The following OSBPL6 variants were observed in gnomAD, a reference collection of about 807,000 sequenced individuals.
OSBPL6 encodes the protein oxysterol-binding protein-related protein 6.
Under a neutral mutation model 125.8 loss-of-function variants are expected in OSBPL6, and 49 were observed. That is an observed-to-expected ratio of 0.39 (90% CI 0.31 to 0.49). OSBPL6 has a LOEUF of 0.49. Ranked by LOEUF, OSBPL6 falls within the 20% of genes least tolerant of loss-of-function variation. OSBPL6 has a pLI of 0.88. For missense variants in OSBPL6, 986 were observed against 1,135.4 expected, an observed-to-expected ratio of 0.87 and a Z score of 1.89; for synonymous variants, 394 against 391.8, an observed-to-expected ratio of 1.01 and a Z score of -0.07.
chr2:178,336,830 G>A (rs77711640), intron 9 of OSBPL6, among the ~76,000 whole-genome samples: 6,877 of 152,174 alleles, frequency 0.045, 211 homozygotes, highest in South Asian at 0.15. Context: ...CTGCTCTGTC[G>A]TCCTCACTAG....
chr2:178,273,132 A>G (rs1370232643), intron 1 of OSBPL6, among the ~76,000 whole-genome samples: 4 of 152,148 alleles, frequency 2.6e-5, no homozygotes, highest in Non-Finnish European at 4.4e-5. Flanking sequence ...AGTGAGTATG[A>G]TTGGGGGAAT....
intron 4 of OSBPL6, 47 bp downstream of exon 4, chr2:178,324,316 C>CT: frequency 7.5e-7 from 1 of 1,341,622 alleles, no homozygotes; most frequent in Non-Finnish European, 1.0e-6. Flanking sequence ...GATGCCTGCT[C>CT]TGGGGCCAAT....
At chr2:178,381,941 C>G (rs1694516120) in intron 15 of OSBPL6, among the ~76,000 whole-genome samples, 3 of 152,322 alleles carry the variant, frequency 2.0e-5, no homozygotes, top group African/African-American at 4.8e-5. Context: ...CACGATCTCT[C>G]TTCTTTGTGT....
chr2:178,299,659 TTA>T (rs1172305461), intron 2 of OSBPL6, among the ~76,000 whole-genome samples: 1 of 152,224 alleles, frequency 6.6e-6, no homozygotes, highest in African/African-American at 2.4e-5. Flanking sequence ...AAAAATCCTG[TTA>T]TGATTTTGGT....
intron 9 of OSBPL6, among the ~76,000 whole-genome samples, chr2:178,337,672 G>A (rs1055464380): frequency 6.6e-6 from 1 of 152,186 alleles, no homozygotes; most frequent in African/African-American, 2.4e-5. Context: ...GACAGATAAG[G>A]AAACTACAAC....
At chr2:178,318,967 A>G (rs1488635757) in intron 3 of OSBPL6, among the ~76,000 whole-genome samples, 3 of 152,204 alleles carry the variant, frequency 2.0e-5, no homozygotes, top group African/African-American at 7.2e-5. Flanking sequence ...CATACACTGG[A>G]TGCCTACCCT....
At chr2:178,270,711 A>G (rs1174068102) in intron 1 of OSBPL6, among the ~76,000 whole-genome samples, 1 of 152,134 alleles carries the variant, frequency 6.6e-6, no homozygotes, top group Non-Finnish European at 1.5e-5. Context: ...AGAGATGGCA[A>G]TTTTTTAGTG....
chr2:178,382,828 T>A, intron 16 of OSBPL6, 196 bp from the exon 17 acceptor site: 3 of 1,393,556 alleles, frequency 2.2e-6, no homozygotes, highest in Non-Finnish European at 2.8e-6. Flanking sequence ...TAATGCCTTA[T>A]TTATAAAACT....
At chr2:178,386,796 A>T (rs967817139) in intron 19 of OSBPL6, among the ~76,000 whole-genome samples, 1 of 152,128 alleles carries the variant, frequency 6.6e-6, no homozygotes, top group Non-Finnish European at 1.5e-5. Context: ...TTAGTTGAAA[A>T]CAAATAAAGA....
intron 1 of OSBPL6, among the ~76,000 whole-genome samples, chr2:178,211,231 C>T (rs187759273): frequency 4.6e-5 from 7 of 152,280 alleles, no homozygotes; most frequent in African/African-American, 1.7e-4. Context: ...CATTGTACCA[C>T]CACAATCCAG....
At chr2:178,205,562 A>G (rs1290265563) in intron 1 of OSBPL6, among the ~76,000 whole-genome samples, 1 of 152,250 alleles carries the variant, frequency 6.6e-6, no homozygotes, top group Non-Finnish European at 1.5e-5. Flanking sequence ...TAAACAGGAC[A>G]TAAAGAGTGC....
At chr2:178,362,190 T>A (rs945044923) in intron 13 of OSBPL6, among the ~76,000 whole-genome samples, 6 of 152,206 alleles carry the variant, frequency 3.9e-5, no homozygotes, top group Non-Finnish European at 7.4e-5. Context: ...GAATATTTTT[T>A]AAAAATGTAC....
chr2:178,295,208 G>T (rs974099459), intron 2 of OSBPL6, among the ~76,000 whole-genome samples: 1 of 152,124 alleles, frequency 6.6e-6, no homozygotes, highest in Admixed American at 6.6e-5. Flanking sequence ...CTGTGTAAAT[G>T]ATTTACCAAC....
In OSBPL6 at chr2:178,383,243, A is replaced by G; in HGVS notation, c.1841A>G (p.Lys614Arg). ...EEMEYSELLD[K>R]ASETDDPYER... is the part of the protein sequence containing the mutation. ...ATGGAATACAGCGAGCTCCTGGACA[A>G]GGCTTCGGAAACTGATGATCCATAT... The change falls in exon 17 of 25, where the codon AAG (lysine) becomes AGG (arginine). Residue 614 changes from lysine (K) to arginine (R), a missense_variant. This residue lies in a region of OSBPL6 where 843 missense variants were observed against 997.3 expected (regional missense o/e 0.85). Transcript: ENST00000190611. 6.2e-7 allele frequency: 1 copy of G among 1,614,196 alleles called. No homozygotes were observed. The highest frequency in any genetic ancestry group is 2.2e-5 in the East Asian group (1 of 44,882).
At chr2:178,357,132 A>T (rs1691869720) in intron 12 of OSBPL6, among the ~76,000 whole-genome samples, 1 of 152,208 alleles carries the variant, frequency 6.6e-6, no homozygotes, top group Admixed American at 6.5e-5. Flanking sequence ...AACTGTAAAA[A>T]CTCTAGAAGA....
chr2:178,286,263 G>A (rs1684687865), intron 2 of OSBPL6, among the ~76,000 whole-genome samples: 1 of 152,152 alleles, frequency 6.6e-6, no homozygotes, highest in South Asian at 2.1e-4. Flanking sequence ...CCTAGTAACT[G>A]TACTTTGCTA....
At chr2:178,215,869 CA>C (rs776600171) in intron 1 of OSBPL6, among the ~76,000 whole-genome samples, 1 of 152,056 alleles carries the variant, frequency 6.6e-6, no homozygotes, top group Non-Finnish European at 1.5e-5. Context: ...GTGAAGGGGA[CA>C]AAAGATAAGA....
At chr2:178,312,875 T>G (rs1453210018) in intron 3 of OSBPL6, among the ~76,000 whole-genome samples, 1 of 152,004 alleles carries the variant, frequency 6.6e-6, no homozygotes, top group African/African-American at 2.4e-5. Flanking sequence ...CATAATTACT[T>G]TTATGCTTAC....
At chr2:178,387,501 A>T (rs1458818567) in intron 20 of OSBPL6, among the ~76,000 whole-genome samples, 1 of 152,210 alleles carries the variant, frequency 6.6e-6, no homozygotes, top group Non-Finnish European at 1.5e-5. Context: ...GTATTTTATC[A>T]AAGAAGAGTG....
Sources: gnomAD v4.1 joint callset for allele counts (sites outside exome capture counted in the v4.1 genomes callset) on GRCh38, gnomAD v4.1.1 for gene constraint, gnomAD v4.1.1 regional missense constraint, MANE v1.5 for transcripts, NCBI Gene and HGNC (gene_info 2026-07-23, HGNC 2026-07-21) for gene names.